The following TTC7A variants were observed in gnomAD, a reference collection of about 807,000 sequenced individuals.
TTC7A encodes the protein tetratricopeptide repeat domain 7A.
In TTC7A, 110 loss-of-function variants were observed where a neutral mutation model predicts 103.7. The observed-to-expected ratio is 1.06, with a 90% CI of 0.91 to 1.24. The LOEUF is 1.24. Ranked by LOEUF, TTC7A falls within the 50% of genes most tolerant of loss-of-function variation. The pLI is 0.00. For missense variants in TTC7A, 1,340 were observed against 1,116.3 expected (o/e 1.20, Z -2.86); for synonymous variants, 521 against 467.9 (o/e 1.11, Z -1.47).
At chr2:46,947,481 C>G (rs951990714) in intron 1 of TTC7A, among the ~76,000 whole-genome samples, 2 of 152,062 alleles carry the variant, frequency 1.3e-5, no homozygotes, top group Non-Finnish European at 2.9e-5. Flanking sequence ...TTTGGGAGGC[C>G]GAGGCAGGCA....
intron 10 of TTC7A, among the ~76,000 whole-genome samples, chr2:47,010,307 G>C (rs1372992195): frequency 6.6e-6 from 1 of 152,170 alleles, no homozygotes; most frequent in Non-Finnish European, 1.5e-5. Flanking sequence ...TAAATGTAAT[G>C]CACATGGCTG....
chr2:46,979,031 T>C (rs1490786004), intron 5 of TTC7A, 124 bp downstream of exon 5: 1 of 657,972 alleles, frequency 1.5e-6, no homozygotes, highest in Non-Finnish European at 2.7e-6. Context: ...AGAGGATTGG[T>C]GGGAACTGGC....
At chr2:46,927,087 C>G (rs1477628093) in intron 2 of TTC7A, among the ~76,000 whole-genome samples, 2 of 151,570 alleles carry the variant, frequency 1.3e-5, no homozygotes, top group East Asian at 3.9e-4. Flanking sequence ...ATAGAAAATA[C>G]AAAAGGATAA....
At chr2:47,070,637 G>T (rs531466086) in intron 19 of TTC7A, among the ~76,000 whole-genome samples, 2 of 152,294 alleles carry the variant, frequency 1.3e-5, no homozygotes, top group African/African-American at 4.8e-5. Context: ...CTCAGGGAAG[G>T]CTTCCTGGGA....
chr2:46,917,290 G>A, intron 2 of TTC7A: 2 of 660,754 alleles, frequency 3.0e-6, no homozygotes. Context: ...GAGCCACCGC[G>A]CCGGGACAAA....
At chr2:46,980,975 G>T (rs1674393707) in intron 5 of TTC7A, among the ~76,000 whole-genome samples, 1 of 152,326 alleles carries the variant, frequency 6.6e-6, no homozygotes, top group East Asian at 1.9e-4. Context: ...AGCGTCCAGG[G>T]CCCCTCTGGG....
At chr2:47,052,390 A>G (rs1273667589) in intron 18 of TTC7A, among the ~76,000 whole-genome samples, 1 of 152,156 alleles carries the variant, frequency 6.6e-6, no homozygotes, top group Non-Finnish European at 1.5e-5. Context: ...AGTTCCACAG[A>G]CCTGGGTTCT....
intron 3 of TTC7A, among the ~76,000 whole-genome samples, chr2:46,962,438 G>A (rs904730018): frequency 2.0e-5 from 3 of 152,128 alleles, no homozygotes; most frequent in Non-Finnish European, 4.4e-5. Context: ...ATCCCCCAAG[G>A]CTCCTGGCCC....
chr2:47,060,845 T>A lies in TTC7A; in HGVS notation c.2229T>A (p.Thr743=), dbSNP rs1393550644. The A allele has an allele frequency of 1.2e-6, 2 of 1,613,920 alleles. No homozygotes were observed. Among genetic ancestry groups the A allele is most frequent in the African/African-American group, 2.7e-5 (2 of 74,926 alleles). Residue 743 remains threonine (T), a synonymous_variant, in exon 19 of 20, where the codon ACT becomes ACA. Coordinates refer to ENST00000319190, the MANE Select transcript of TTC7A (RefSeq NM_020458.4). ...AGGAGGCGGCGGGCCTCTTCCCCAC[T>A]TCTCACTCAGTACTCTATATGCGGG... ...CIQEAAGLFP[T]SHSVLYMRGR...
chr2:46,942,060 T>C (rs1572673530), intron 1 of TTC7A, among the ~76,000 whole-genome samples: 1 of 152,140 alleles, frequency 6.6e-6, no homozygotes, highest in South Asian at 2.1e-4. Context: ...GAGGGTGGGG[T>C]GTCCCTAAAC....
At chr2:47,058,051 A>C (rs932122743) in intron 18 of TTC7A, among the ~76,000 whole-genome samples, 1 of 152,222 alleles carries the variant, frequency 6.6e-6, no homozygotes, top group Non-Finnish European at 1.5e-5. Context: ...CAGATGCCCC[A>C]GCAGCAGCTC....
chr2:46,956,591 A>G (rs920265950), intron 2 of TTC7A: 19 of 509,162 alleles, frequency 3.7e-5, no homozygotes, highest in African/African-American at 3.4e-4. Flanking sequence ...TGCTGGGGGC[A>G]TAAAACGCAC....
intron 10 of TTC7A, 31 bp downstream of exon 10, chr2:47,006,755 A>G (rs1316694530): frequency 2.6e-6 from 4 of 1,538,472 alleles, no homozygotes. Context: ...GGGGTTGCAC[A>G]CTCACCCGCA....
intron 14 of TTC7A, among the ~76,000 whole-genome samples, chr2:47,024,916 G>A (rs940616846): frequency 1.3e-5 from 2 of 152,170 alleles, no homozygotes; most frequent in Non-Finnish European, 1.5e-5. Context: ...GAATGCTGGT[G>A]TGTCCAGGAC....
At chr2:47,073,193 G>C (rs778356609) in intron 19 of TTC7A, among the ~76,000 whole-genome samples, 6 of 152,136 alleles carry the variant, frequency 3.9e-5, no homozygotes, top group Admixed American at 3.3e-4. Context: ...GTCTCTCTGC[G>C]TCCCTGGAGT....
chr2:46,966,848 G>T (rs911235243), intron 3 of TTC7A, among the ~76,000 whole-genome samples: 2 of 148,286 alleles, frequency 1.3e-5, no homozygotes, highest in Non-Finnish European at 3.0e-5. Flanking sequence ...GAATCATAGA[G>T]TATACATTTT....
chr2:47,037,068 C>T (rs903404529), intron 15 of TTC7A, among the ~76,000 whole-genome samples: 4 of 152,210 alleles, frequency 2.6e-5, no homozygotes, highest in African/African-American at 9.7e-5. Flanking sequence ...GCTGGCCCCT[C>T]TCTCCCACTA....
intron 5 of TTC7A, among the ~76,000 whole-genome samples, chr2:46,985,752 G>A (rs867889076): frequency 2.0e-5 from 3 of 152,264 alleles, no homozygotes; most frequent in Non-Finnish European, 2.9e-5. Context: ...GTGAGCCTGT[G>A]TAATACCACA....
chr2:47,041,560 C>T (rs762579246), intron 15 of TTC7A, among the ~76,000 whole-genome samples: 15 of 152,158 alleles, frequency 9.9e-5, no homozygotes, highest in Non-Finnish European at 2.2e-4. Context: ...CAAGAACAGC[C>T]TGACCTACAT....
Sources: gnomAD v4.1 joint callset for allele counts (sites outside exome capture counted in the v4.1 genomes callset) on GRCh38, gnomAD v4.1.1 for gene constraint, MANE v1.5 for transcripts, NCBI Gene and HGNC (gene_info 2026-07-23, HGNC 2026-07-21) for gene names.